ACER2: variants seen among roughly 807,000 people sequenced by gnomAD.
The protein encoded by ACER2 is alkCDase 2.
A neutral mutation model predicts 34.7 loss-of-function variants in ACER2; 26 were observed. The observed-to-expected ratio is 0.75, with a 90% CI of 0.55 to 1.04. The LOEUF is 1.04. ACER2 is among the 50% of genes least tolerant of loss of function. ACER2 has a pLI of 0.00. For synonymous variants in ACER2, 138 were observed against 132.1 expected, an observed-to-expected ratio of 1.04 and a Z score of -0.31; for missense variants, 352 against 340.8, an observed-to-expected ratio of 1.03 and a Z score of -0.26.
At chr9:19,422,749 A>T (rs1563876333) in intron 1 of ACER2, among the ~76,000 whole-genome samples, 1 of 151,666 alleles carries the variant, frequency 6.6e-6, no homozygotes, top group Non-Finnish European at 1.5e-5. Context: ...ACACAAAAGC[A>T]GGCGGGCGCA....
At chr9:19,410,455 T>C (rs1830054117) in intron 1 of ACER2, among the ~76,000 whole-genome samples, 1 of 152,146 alleles carries the variant, frequency 6.6e-6, no homozygotes, top group African/African-American at 2.4e-5. Context: ...CACACCTGTA[T>C]TCCTAGCACT....
intron 5 of ACER2, 92 bp downstream of exon 5, chr9:19,446,510 C>G: frequency 6.3e-7 from 1 of 1,580,986 alleles, no homozygotes; most frequent in Non-Finnish European, 8.6e-7. Flanking sequence ...GCACAGGTGT[C>G]CTGTGGGTTG....
chr9:19,428,310 G>A (rs1401471285), intron 3 of ACER2, among the ~76,000 whole-genome samples: 2 of 151,976 alleles, frequency 1.3e-5, no homozygotes, highest in African/African-American at 4.8e-5. Context: ...TGGGATTCCA[G>A]GTGCATGTCA....
rs374014190 is a variant in ACER2, at chr9:19,423,984, G to T, written c.223+8G>T. 14 of 1,597,948 alleles carry T rather than the reference G, an allele frequency of 8.8e-6. No homozygotes were observed. In the African/African-American group the frequency reaches 1.6e-4, roughly 18 times the overall value. On this transcript the variant is annotated splice_region_variant and intron_variant, in intron 2 of 5. Coordinates refer to ENST00000340967, the MANE Select transcript of ACER2 (RefSeq NM_001010887.3). Reference sequence around the variant, plus strand: ...CTCTTTTGGTTGTAGTGGGTAAGTGGAGTCATTTGGGAACACGGACTTAAT... The same window carrying T: ...CTCTTTTGGTTGTAGTGGGTAAGTGTAGTCATTTGGGAACACGGACTTAAT...
At chr9:19,413,287 C>A (rs992659431) in intron 1 of ACER2, among the ~76,000 whole-genome samples, 1 of 152,096 alleles carries the variant, frequency 6.6e-6, no homozygotes, top group Non-Finnish European at 1.5e-5. Context: ...AATTGAGTTC[C>A]TTTTTATGTT....
chr9:19,410,384 T>C (rs1421582462), intron 1 of ACER2, among the ~76,000 whole-genome samples: 5 of 152,164 alleles, frequency 3.3e-5, no homozygotes, highest in Non-Finnish European at 7.3e-5. Flanking sequence ...CAAACACTCC[T>C]GCTCCTTTTT....
Position 19,451,366 on chromosome 9 carries a change from C to T in ACER2, c.*730C>T, listed in dbSNP as rs1320533468. 2 of 152,670 alleles carry T rather than the reference C, an allele frequency of 1.3e-5. No individual in the cohort carries two copies. Among genetic ancestry groups the T allele is most frequent in the African/African-American group, 2.4e-5 (1 of 41,456 alleles). 9.5% of individuals were successfully genotyped at this position (152,670 alleles called of 1,614,324 possible). A position where few individuals can be genotyped will look rare whatever the true frequency, so the allele number is the denominator to read the frequency against. On this transcript the variant is annotated 3_prime_UTR_variant, in exon 6 of 6. Coordinates refer to ENST00000340967, the MANE Select transcript of ACER2 (RefSeq NM_001010887.3). The stretch of plus-strand genomic sequence containing the variant: ...CAAAACCAAACAGATGAAACACACA[C>T]AGGACTTGTGGCTAAAAAGGCTAGT...
At chr9:19,420,679 A>C (rs1830376864) in intron 1 of ACER2, among the ~76,000 whole-genome samples, 2 of 152,212 alleles carry the variant, frequency 1.3e-5, no homozygotes, top group Admixed American at 1.3e-4. Flanking sequence ...ATGCTGCTAT[A>C]ACAAAAGATC....
chr9:19,427,055 G>C (rs1007350401), intron 3 of ACER2, among the ~76,000 whole-genome samples: 12 of 152,168 alleles, frequency 7.9e-5, no homozygotes, highest in Non-Finnish European at 1.6e-4. Flanking sequence ...CCCTGGCTTT[G>C]GAAGCAATCT....
rs570990807 is a variant in ACER2, at chr9:19,434,145, G to A, written c.366-802G>A. ...CTCACATCCCAGACAGGGCGGCGGG[G>A]CAGAGGCGCTCCCCACATCCCAGAT... On this transcript the variant is annotated intron_variant, in intron 3 of 5. Coordinates refer to ENST00000340967, the MANE Select transcript of ACER2 (RefSeq NM_001010887.3). 6.1e-3 allele frequency among the ~76,000 whole-genome samples: 887 copies of A among 145,804 alleles called. 11 individuals are homozygous for A. The highest frequency in any genetic ancestry group is 0.022 in the African/African-American group (848 of 39,220).
chr9:19,447,995 C>T lies in ACER2; in HGVS notation c.641+1577C>T, dbSNP rs536907200. 3.5e-5 allele frequency among the ~76,000 whole-genome samples: 5 copies of T among 141,832 alleles called. No individual in the cohort carries two copies. In the South Asian group the frequency reaches 6.5e-4, roughly 18 times the overall value. The allele number at this position is 141,832 out of a possible 152,430, so 93.0% of individuals were successfully genotyped here. ...AAAAAAAATAGCATCATTCTATACA[C>T]GATGCAAACTTTTTTTTTTTTTTTT... On this transcript the variant is annotated intron_variant, in intron 5 of 5. Coordinates refer to ENST00000340967, the MANE Select transcript of ACER2 (RefSeq NM_001010887.3).
intron 4 of ACER2, among the ~76,000 whole-genome samples, chr9:19,444,153 C>G (rs1377164136): frequency 2.5e-5 from 1 of 39,828 alleles, no homozygotes; most frequent in Non-Finnish European, 5.0e-5. Flanking sequence ...AGCTGATGAG[C>G]TAAAAAAAAA....
chr9:19,428,730 C>T (rs1332441132), intron 3 of ACER2, among the ~76,000 whole-genome samples: 1 of 146,006 alleles, frequency 6.8e-6, no homozygotes, highest in Non-Finnish European at 1.5e-5. Context: ...AGAGTAAAGA[C>T]TCAGTAAGTT....
chr9:19,415,103 A>G (rs1830203532), intron 1 of ACER2, among the ~76,000 whole-genome samples: 1 of 152,148 alleles, frequency 6.6e-6, no homozygotes, highest in African/African-American at 2.4e-5. Flanking sequence ...GCCTTGGTAG[A>G]TGGGCTAGGC....
chr9:19,448,039 C>T (rs999837931), intron 5 of ACER2, among the ~76,000 whole-genome samples: 20 of 127,644 alleles, frequency 1.6e-4, no homozygotes, highest in Non-Finnish European at 9.6e-5. Flanking sequence ...CAAAGTCTCA[C>T]TCTGTTGCCC....
intron 1 of ACER2, among the ~76,000 whole-genome samples, chr9:19,422,433 G>A (rs1361270848): frequency 1.3e-5 from 2 of 152,146 alleles, no homozygotes; most frequent in Non-Finnish European, 2.9e-5. Context: ...TGCCCATGGA[G>A]ACATAACAGA....
intron 1 of ACER2, among the ~76,000 whole-genome samples, chr9:19,419,539 G>T (rs1830338920): frequency 6.6e-6 from 1 of 152,192 alleles, no homozygotes; most frequent in South Asian, 2.1e-4. Flanking sequence ...ATTGAGGCAG[G>T]CGGATCACTT....
At chr9:19,435,846 G>C (rs1830946984) in intron 4 of ACER2, among the ~76,000 whole-genome samples, 1 of 151,598 alleles carries the variant, frequency 6.6e-6, no homozygotes, top group Non-Finnish European at 1.5e-5. Flanking sequence ...TCAGGAGATG[G>C]AGACCATCCT....
chr9:19,433,475 G>A (rs1195591692), intron 3 of ACER2, among the ~76,000 whole-genome samples: 3 of 151,946 alleles, frequency 2.0e-5, no homozygotes, highest in Admixed American at 6.5e-5. Context: ...TTGGGGGTAA[G>A]GTCACAGATC....
Sources: gnomAD v4.1 joint callset for allele counts (sites outside exome capture counted in the v4.1 genomes callset) on GRCh38, gnomAD v4.1.1 for gene constraint, MANE v1.5 for transcripts, NCBI Gene and HGNC (gene_info 2026-07-23, HGNC 2026-07-21) for gene names.